Variants in KCNH4 observed in about 807,000 individuals in gnomAD.
KCNH4 encodes the protein potassium voltage-gated channel subfamily H member 4, also known as voltage-gated delayed rectifier potassium channel KCNH4.
A neutral mutation model predicts 90.7 loss-of-function variants in KCNH4; 33 were observed. The ratio of observed to expected loss-of-function variants is 0.36; its 90% CI spans 0.28 to 0.49. The LOEUF is 0.49. Among genes scored for constraint, KCNH4 ranks in the 20% least tolerant of loss-of-function variants. KCNH4 has a pLI of 0.98. For synonymous variants in KCNH4, 551 were observed against 581.7 expected, an observed-to-expected ratio of 0.95 and a Z score of 0.76; for missense variants, 1,044 against 1,387.1, an observed-to-expected ratio of 0.75 and a Z score of 3.93.
At chr17:42,161,345 G>A (rs2079747256) in intron 15 of KCNH4, among the ~76,000 whole-genome samples, 1 of 152,226 alleles carries the variant, frequency 6.6e-6, no homozygotes. Context: ...CCCCGCTCAG[G>A]CCCCAGGGCC....
intron 6 of KCNH4, among the ~76,000 whole-genome samples, chr17:42,174,664 C>T (rs372160238): frequency 6.6e-6 from 1 of 152,074 alleles, no homozygotes; most frequent in Non-Finnish European, 1.5e-5. Flanking sequence ...CCCACTTGCC[C>T]GCCCCACACC....
chr17:42,158,530 CAA>C (rs554370674), intron 16 of KCNH4, among the ~76,000 whole-genome samples: 2 of 100,020 alleles, frequency 2.0e-5, no homozygotes, highest in African/African-American at 3.7e-5. Context: ...GACTCCGTCT[CAA>C]AAAAAAAAAA....
At chr17:42,158,463 G>A (rs1481426185) in intron 16 of KCNH4, among the ~76,000 whole-genome samples, 7 of 150,728 alleles carry the variant, frequency 4.6e-5, no homozygotes, top group Admixed American at 2.6e-4. Context: ...CCCGGGAGGC[G>A]GAGTTTGCAG....
chr17:42,178,877 T>G lies in KCNH4; in HGVS notation c.226A>C (p.Ser76Arg), dbSNP rs770737382. The change falls in exon 2 of 17, where the codon AGT becomes CGT. Residue 76 changes from serine to arginine, a missense_variant. Transcript: ENST00000264661. ...TGCAGACGCTGCAGGGCTGGCTCAC[T>G]GGTCTCTGGGCCGTAGAGGAAACGG... ...SCRFLYGPET[S>R]EPALQRLHKA... is the part of the protein sequence containing the mutation. 1.9e-6 allele frequency: 3 copies of G among 1,614,090 alleles called. No homozygotes were observed. The African/African-American group carries it at 4.0e-5, about 22-fold the overall frequency.
In KCNH4 at chr17:42,160,086, C is replaced by T. The variant is rs567252082; in HGVS notation, c.3008G>A (p.Ser1003Asn). 15 of 1,561,622 alleles carry T rather than the reference C, an allele frequency of 9.6e-6. No homozygotes were observed. The South Asian group carries it at 1.8e-4, about 19-fold the overall frequency. ...GGACTGGAAACTGTGCCTCAAGAGG[C>T]TTGGGGTTGGGGGTGAGGCCTCTGG... is the stretch of plus-strand genomic sequence containing the variant. ...PVPEASPPTP[S>N]LLRHSFQSRS... The change falls in exon 16 of 17, where the codon AGC becomes AAC. Residue 1003 changes from serine to asparagine, a missense_variant. Around this residue, in one of 4 missense-constraint regions of KCNH4, gnomAD observed 441 missense variants for 512.3 expected, o/e 0.86. Coordinates refer to ENST00000264661, the MANE Select transcript of KCNH4 (RefSeq NM_012285.3).
Position 42,163,532 on chromosome 17 carries a change from C to A in KCNH4, c.2477+74G>T. 1.2e-6 allele frequency: 1 copy of A among 802,926 alleles called. No individual in the cohort carries two copies. Among genetic ancestry groups the A allele is most frequent in the East Asian group, 2.6e-5 (1 of 38,522 alleles). 49.7% of individuals were successfully genotyped at this position (802,926 alleles called of 1,614,324 possible). On this transcript the variant is annotated intron_variant, in intron 13 of 16. Coordinates refer to ENST00000264661, the MANE Select transcript of KCNH4 (RefSeq NM_012285.3). The surrounding 1 kb of genome is among the most constrained non-coding windows in gnomAD (Gnocchi z 5.4). Reference sequence around the variant, plus strand: ...ACGGAATGTAGCACTGTTTGGAACGCCAGGGATAGAGCCCAGAGAAGGTTC... The same window carrying A: ...ACGGAATGTAGCACTGTTTGGAACGACAGGGATAGAGCCCAGAGAAGGTTC...
chr17:42,167,557 C>T (rs2079796672), intron 9 of KCNH4, among the ~76,000 whole-genome samples: 1 of 152,114 alleles, frequency 6.6e-6, no homozygotes, highest in Admixed American at 6.5e-5. Context: ...TGAGCCACCG[C>T]ACCCAGCCAA....
intron 15 of KCNH4, among the ~76,000 whole-genome samples, chr17:42,160,981 C>A (rs1332095457): frequency 8.4e-6 from 1 of 119,004 alleles, no homozygotes; most frequent in Non-Finnish European, 1.6e-5. Flanking sequence ...GGCTGGAGTG[C>A]AATGGCGCGA....
intron 6 of KCNH4, among the ~76,000 whole-genome samples, chr17:42,172,970 G>A (rs958304564): frequency 6.6e-6 from 1 of 151,646 alleles, no homozygotes; most frequent in African/African-American, 2.4e-5. Flanking sequence ...GAAGAGTCAA[G>A]CAGAAGAGTT....
Position 42,163,138 on chromosome 17 carries a change from G to A in KCNH4, c.2584+90C>T. On this transcript the variant is annotated intron_variant, in intron 14 of 16. Transcript: ENST00000264661. This position sits in a 1 kb window ranked among gnomAD's most constrained non-coding sequence, Gnocchi z 5.4. ...CTGTGTATTCCCAGGATGGCACCTG[G>A]CACATGGTAGGCCCCTACTACATAT... The A allele has an allele frequency of 2.3e-6, 2 of 888,198 alleles. No individual in the cohort carries two copies. The highest frequency in any genetic ancestry group is 1.4e-5 in the South Asian group (1 of 71,654). 55.0% of individuals were successfully genotyped at this position (888,198 alleles called of 1,614,324 possible).
intron 16 of KCNH4, among the ~76,000 whole-genome samples, chr17:42,158,507 G>T (rs1368868286): frequency 2.0e-5 from 3 of 148,320 alleles, no homozygotes; most frequent in African/African-American, 7.5e-5. Context: ...CTCCAGCCTG[G>T]GCGACAGAGT....
At chr17:42,176,509 CTTTTTTTTTTT>C (rs869250233) in intron 4 of KCNH4, among the ~76,000 whole-genome samples, 40 of 68,456 alleles carry the variant, frequency 5.8e-4, no homozygotes, top group African/African-American at 1.3e-3. Flanking sequence ...GGCCCTCCTC[CTTTTTTTTTTT>C]TTTTTTTTTT....
Position 42,163,735 on chromosome 17 carries a change from G to C in KCNH4, c.2348C>G (p.Ser783Cys). The C allele has an allele frequency of 6.4e-7, 1 of 1,550,450 alleles. No individual in the cohort carries two copies. Among genetic ancestry groups the C allele is most frequent in the Admixed American group, 2.0e-5 (1 of 48,872 alleles). Reference protein sequence around the residue: ...VSSPSLSPSLSPALAGQGHSA... With the variant: ...VSSPSLSPSLCPALAGQGHSA... ...GTGGCCCTGGCCAGCCAGGGCAGGG[G>C]ACAGGGATGGGGATAAGGAAGGAGA... is the stretch of plus-strand genomic sequence containing the variant. The change falls in exon 13 of 17, where the codon TCC becomes TGC. Residue 783 changes from serine (S) to cysteine (C), a missense_variant. By Grantham distance (112) the Ser-to-Cys change is moderately radical (BLOSUM62 -1). Transcript: ENST00000264661. The surrounding 1 kb of genome is among the most constrained non-coding windows in gnomAD (Gnocchi z 5.4).
chr17:42,165,621 A>G lies in KCNH4; in HGVS notation c.1913T>C (p.Phe638Ser). Reference protein sequence around the residue: ...QEPGLGADPNFVLKTSADVKA... With the variant: ...QEPGLGADPNSVLKTSADVKA... ...CACATCAGCACTGGTCTTTAGCACGAAGTTTGGGTCTGCTCCCAACCCAGG... is the reference window on the plus strand; with the variant it reads ...CACATCAGCACTGGTCTTTAGCACGGAGTTTGGGTCTGCTCCCAACCCAGG... Residue 638 changes from phenylalanine to serine, a missense_variant, in exon 11 of 17, where the codon TTC becomes TCC. Phe to Ser is a radical substitution (Grantham distance 155). Around this residue, in one of 4 missense-constraint regions of KCNH4, gnomAD observed 441 missense variants for 512.3 expected, o/e 0.86. Transcript: ENST00000264661. 6.2e-7 allele frequency: 1 copy of G among 1,614,154 alleles called. No homozygotes were observed. The highest frequency in any genetic ancestry group is 8.5e-7 in the Non-Finnish European group (1 of 1,180,012).
chr17:42,169,790 G>C (rs1041191642), intron 8 of KCNH4, 114 bp from the exon 9 acceptor site: 2 of 1,071,954 alleles, frequency 1.9e-6, no homozygotes, highest in African/African-American at 3.1e-5. Context: ...GTGCCTACCA[G>C]GTGCCAGGCA....
rs1301727247 is a variant in KCNH4, at chr17:42,169,399, A to C, written c.1590+78T>G. On this transcript the variant is annotated intron_variant, in intron 9 of 16. Transcript: ENST00000264661. The stretch of plus-strand genomic sequence containing the variant: ...TCGGCCTGCCTCCATTTTAAGCTAC[A>C]GGGGCAGCGACTCCTTCCCCACCCC... The C allele has an allele frequency of 4.5e-6, 6 of 1,336,432 alleles. No individual in the cohort carries two copies. In the African/African-American group the frequency reaches 8.6e-5, roughly 19 times the overall value. The allele number at this position is 1,336,432 out of a possible 1,614,324, so 82.8% of individuals were successfully genotyped here. A position where few individuals can be genotyped will look rare whatever the true frequency, so the allele number is the denominator to read the frequency against.
rs2079827863 is a variant in KCNH4 at position 42,171,698 on chromosome 17, G to A, written c.1195+90C>T. 2.7e-6 allele frequency: 3 copies of A among 1,109,706 alleles called. No homozygotes were observed. The East Asian group carries it at 7.1e-5, about 26-fold the overall frequency. 68.7% of individuals were successfully genotyped at this position (1,109,706 alleles called of 1,614,324 possible). On this transcript the variant is annotated intron_variant, in intron 7 of 16. Coordinates refer to ENST00000264661, the MANE Select transcript of KCNH4 (RefSeq NM_012285.3). ...TTGTTGGATGGATAGAGGAATGTGG[G>A]ATGAGGGGTGTGGGTACTGGTGGAG...
At position 42,163,405 on chromosome 17, in the gene KCNH4, G is replaced by A. The variant is rs1035579845; in HGVS notation, c.2478-71C>T. 8.7e-7 allele frequency: 1 copy of A among 1,153,556 alleles called. No homozygotes were observed. Among genetic ancestry groups the A allele is most frequent in the Non-Finnish European group, 1.3e-6 (1 of 781,334 alleles). 71.5% of individuals were successfully genotyped at this position (1,153,556 alleles called of 1,614,324 possible). A position where few individuals can be genotyped will look rare whatever the true frequency, so the allele number is the denominator to read the frequency against. ...GGCCAGAGCAGAGCAGACAGAGGGGGACTGGGGGCAGCAGTGCCAGGGGGC... is the reference window on the plus strand; with the variant it reads ...GGCCAGAGCAGAGCAGACAGAGGGGAACTGGGGGCAGCAGTGCCAGGGGGC... On this transcript the variant is annotated intron_variant, in intron 13 of 16. Transcript: ENST00000264661. This position sits in a 1 kb window ranked among gnomAD's most constrained non-coding sequence, Gnocchi z 5.4.
Position 42,159,785 on chromosome 17 carries a change from A to C in KCNH4, c.*255T>G. The C allele has an allele frequency of 5.6e-6, 2 of 357,916 alleles. No homozygotes were observed. 22.2% of individuals were successfully genotyped at this position (357,916 alleles called of 1,614,324 possible). A position where few individuals can be genotyped will look rare whatever the true frequency, so the allele number is the denominator to read the frequency against. On this transcript the variant is annotated 3_prime_UTR_variant, in exon 16 of 17. Coordinates refer to ENST00000264661, the MANE Select transcript of KCNH4 (RefSeq NM_012285.3). The stretch of plus-strand genomic sequence containing the variant: ...ATCTCATCTGCCCAGCCCAATGGGC[A>C]CTGCGGTTCATCTCATGCCTGCTGG...
Sources: gnomAD v4.1 joint callset for allele counts (sites outside exome capture counted in the v4.1 genomes callset) on GRCh38, gnomAD v4.1.1 for gene constraint, gnomAD v4.1.1 regional missense constraint, Gnocchi (gnomAD v3.1) non-coding constraint, MANE v1.5 for transcripts, NCBI Gene and HGNC (gene_info 2026-07-23, HGNC 2026-07-21) for gene names.